ANKRD30B: variants seen among roughly 807,000 people sequenced by gnomAD.
The protein encoded by ANKRD30B is ankyrin repeat domain-containing protein 30B.
In ANKRD30B, 144 loss-of-function variants were observed where a neutral mutation model predicts 202.2. The ratio of observed to expected loss-of-function variants is 0.71; its 90% CI spans 0.62 to 0.82. The LOEUF (loss-of-function observed/expected upper bound fraction) is 0.82. Ranked by LOEUF, ANKRD30B falls within the 40% of genes least tolerant of loss-of-function variation. The pLI is 0.00. For synonymous variants in ANKRD30B, 508 were observed against 561.3 expected (o/e 0.91, Z 1.34); for missense variants, 1,487 against 1,669.1 (o/e 0.89, Z 1.90).
chr18:14,875,890 G>A, the ANKRD30B span, among the ~76,000 whole-genome samples: 2 of 152,130 alleles, frequency 1.3e-5, no homozygotes, highest in African/African-American at 4.8e-5. Context: ...TGGGCGCTAA[G>A]AATTCTTGCT....
At chr18:14,849,425 C>T (rs912416060) in intron 40 of ANKRD30B, among the ~76,000 whole-genome samples, 4 of 151,778 alleles carry the variant, frequency 2.6e-5, no homozygotes, top group African/African-American at 9.6e-5. Context: ...TCTTCTCTCT[C>T]CAAGAATCAA....
the ANKRD30B span, among the ~76,000 whole-genome samples, chr18:14,860,871 AT>A: frequency 6.6e-6 from 1 of 151,840 alleles, no homozygotes; most frequent in Non-Finnish European, 1.5e-5. Flanking sequence ...CACTTGGCAA[AT>A]TTTGGTATTT....
chr18:14,889,427 G>C, the ANKRD30B span, among the ~76,000 whole-genome samples: 1 of 152,072 alleles, frequency 6.6e-6, no homozygotes, highest in Non-Finnish European at 1.5e-5. Flanking sequence ...TATATAATTA[G>C]CCTGTTCCAG....
the ANKRD30B span, among the ~76,000 whole-genome samples, chr18:14,938,916 T>TC: frequency 2.0e-5 from 3 of 151,680 alleles, no homozygotes; most frequent in South Asian, 2.1e-4. Context: ...AGCTTTCATT[T>TC]CCCCCCCAGG....
the ANKRD30B span, among the ~76,000 whole-genome samples, chr18:14,918,147 C>T: frequency 1.3e-5 from 2 of 152,164 alleles, no homozygotes; most frequent in Non-Finnish European, 1.5e-5. Flanking sequence ...CTTGACAAGG[C>T]TGGTTTACTT....
intron 5 of ANKRD30B, 80 bp downstream of exon 5, chr18:14,758,032 C>T (rs1914653868): frequency 6.9e-7 from 1 of 1,456,108 alleles, no homozygotes; most frequent in African/African-American, 1.4e-5. Flanking sequence ...ACTTAGTTCA[C>T]TTCATCAGCC....
Position 14,837,682 on chromosome 18 carries a change from G to A in ANKRD30B, c.2988+6G>A. 6.5e-7 allele frequency: 1 copy of A among 1,532,928 alleles called. No individual in the cohort carries two copies. Among genetic ancestry groups the A allele is most frequent in the Admixed American group, 2.1e-5 (1 of 46,884 alleles). The allele number at this position is 1,532,928 out of a possible 1,614,324, so 95.0% of individuals were successfully genotyped here. ...AATCAACTTCAGATTCTGAGGTACTGTGTATTGTTGTTGTTGTTATTTTAA... is the reference window on the plus strand; with the variant it reads ...AATCAACTTCAGATTCTGAGGTACTATGTATTGTTGTTGTTGTTATTTTAA... On this transcript the variant is annotated splice_donor_region_variant and intron_variant, in intron 36 of 43. Transcript: ENST00000690538.
chr18:14,830,151 ACTGCC>A (rs1227090348), intron 33 of ANKRD30B: 1 of 154,704 alleles, frequency 6.5e-6, no homozygotes, highest in Non-Finnish European at 1.5e-5. Context: ...AAGGTTGGAG[ACTGCC>A]ATGAAGCTCT....
the ANKRD30B span, among the ~76,000 whole-genome samples, chr18:14,879,176 C>T: frequency 6.6e-6 from 1 of 152,192 alleles, no homozygotes; most frequent in Non-Finnish European, 1.5e-5. Flanking sequence ...GAATAAAATC[C>T]TTCCAGTTTG....
chr18:14,831,916 ATCTG>A (rs1161665892), intron 34 of ANKRD30B, among the ~76,000 whole-genome samples: 1 of 152,226 alleles, frequency 6.6e-6, no homozygotes, highest in Non-Finnish European at 1.5e-5. Context: ...TAATCAAGGA[ATCTG>A]TCTGATAAAC....
the ANKRD30B span, among the ~76,000 whole-genome samples, chr18:14,900,466 C>A: frequency 3.3e-5 from 5 of 152,102 alleles, no homozygotes; most frequent in Non-Finnish European, 7.4e-5. Context: ...CTTGTCATAT[C>A]TTTGCCCCTT....
intron 32 of ANKRD30B, among the ~76,000 whole-genome samples, chr18:14,826,151 C>A (rs1970648896): frequency 6.6e-6 from 1 of 151,972 alleles, no homozygotes; most frequent in African/African-American, 2.4e-5. Flanking sequence ...ATAGATCTCA[C>A]TGAGCTTATC....
intron 33 of ANKRD30B, chr18:14,830,217 C>T (rs112428304): frequency 6.5e-6 from 1 of 154,316 alleles, no homozygotes; most frequent in South Asian, 2.0e-4. Context: ...TATAGTGGCT[C>T]CCACTTCCAG....
At chr18:14,931,587 A>G in the ANKRD30B span, among the ~76,000 whole-genome samples, 1 of 151,728 alleles carries the variant, frequency 6.6e-6, no homozygotes, top group South Asian at 2.1e-4. Flanking sequence ...AGAGGAGGCT[A>G]CAGTGTGTTG....
At chr18:14,918,833 G>A in the ANKRD30B span, among the ~76,000 whole-genome samples, 1 of 152,174 alleles carries the variant, frequency 6.6e-6, no homozygotes, top group Non-Finnish European at 1.5e-5. Flanking sequence ...ATAGTGTTGG[G>A]AGGTGGGGCC....
chr18:14,861,269 A>C, the ANKRD30B span, among the ~76,000 whole-genome samples: 4 of 152,228 alleles, frequency 2.6e-5, no homozygotes, highest in Admixed American at 2.6e-4. Flanking sequence ...AAAACCTAAC[A>C]CATCAATATT....
chr18:14,756,518 T>C (rs1914394167), intron 4 of ANKRD30B, among the ~76,000 whole-genome samples: 2 of 152,246 alleles, frequency 1.3e-5, no homozygotes, highest in African/African-American at 4.8e-5. Flanking sequence ...GGTTTTCTTC[T>C]AGAGTTTTTA....
chr18:14,909,778 A>G, the ANKRD30B span: 1 of 152,154 alleles, frequency 6.6e-6, no homozygotes, highest in Admixed American at 6.5e-5. Context: ...TATATTATTC[A>G]AAGTTGTATT....
chr18:14,869,567 C>T, the ANKRD30B span, among the ~76,000 whole-genome samples: 1 of 152,094 alleles, frequency 6.6e-6, no homozygotes, highest in Admixed American at 6.6e-5. Context: ...TTTAATTATG[C>T]TACATTAATT....
Sources: gnomAD v4.1 joint callset for allele counts (sites outside exome capture counted in the v4.1 genomes callset) on GRCh38, gnomAD v4.1.1 for gene constraint, MANE v1.5 for transcripts, NCBI Gene and HGNC (gene_info 2026-07-23, HGNC 2026-07-21) for gene names.